RASGEF1C: variants seen among roughly 807,000 people sequenced by gnomAD.
RASGEF1C encodes ras-GEF domain-containing family member 1C.
In RASGEF1C, 27 loss-of-function variants were observed where a neutral mutation model predicts 58.1. The ratio of observed to expected loss-of-function variants is 0.46; its 90% CI spans 0.34 to 0.64. The LOEUF (loss-of-function observed/expected upper bound fraction) is 0.64. Among genes scored for constraint, RASGEF1C ranks in the 30% least tolerant of loss-of-function variants. The pLI is 0.01. For missense variants in RASGEF1C, 502 were observed against 605.1 expected, an observed-to-expected ratio of 0.83 and a Z score of 1.79; for synonymous variants, 243 against 246.3, an observed-to-expected ratio of 0.99 and a Z score of 0.13.
intron 1 of RASGEF1C, among the ~76,000 whole-genome samples, chr5:180,202,409 C>G (rs919260875): frequency 6.6e-6 from 1 of 152,032 alleles, no homozygotes; most frequent in Non-Finnish European, 1.5e-5. Context: ...GAGTCCCCCA[C>G]GTACCTAAGA....
intron 1 of RASGEF1C, among the ~76,000 whole-genome samples, chr5:180,172,563 G>A (rs1432230023): frequency 1.3e-5 from 2 of 152,160 alleles, no homozygotes; most frequent in African/African-American, 4.8e-5. Context: ...CTCCCACAAA[G>A]CCTAGCCCCG....
chr5:180,108,257 A>C (rs1765902001), intron 12 of RASGEF1C, among the ~76,000 whole-genome samples: 1 of 147,984 alleles, frequency 6.8e-6, no homozygotes, highest in Non-Finnish European at 1.5e-5. Context: ...GCTGGAGTGC[A>C]GTGGTGCGAT....
At chr5:180,182,731 G>A (rs1767368360) in intron 1 of RASGEF1C, among the ~76,000 whole-genome samples, 4 of 152,156 alleles carry the variant, frequency 2.6e-5, no homozygotes, top group African/African-American at 9.7e-5. Flanking sequence ...TTTTTACAGA[G>A]TGCTGATTGG....
At chr5:180,113,478 G>A (rs1212019970) in intron 11 of RASGEF1C, among the ~76,000 whole-genome samples, 1 of 50,190 alleles carries the variant, frequency 2.0e-5, no homozygotes, top group Non-Finnish European at 4.1e-5. Context: ...GGAGTGACCG[G>A]GGATGGACGG....
At chr5:180,174,025 G>A (rs1475656799) in intron 1 of RASGEF1C, among the ~76,000 whole-genome samples, 1 of 151,916 alleles carries the variant, frequency 6.6e-6, no homozygotes, top group African/African-American at 2.4e-5. Flanking sequence ...CAGAAAGTTG[G>A]GGAAGTGTGG....
rs1321641118 is a variant in RASGEF1C at position 180,209,143 on chromosome 5, GCCGCCGCCC to G, written c.-131_-123del. 1.1e-5 allele frequency: 1 copy of G among 94,384 alleles called. No homozygotes were observed. The highest frequency in any genetic ancestry group is 2.3e-5 in the Non-Finnish European group (1 of 44,402). 5.8% of individuals were successfully genotyped at this position (94,384 alleles called of 1,614,324 possible). On this transcript the variant is annotated 5_prime_UTR_variant, in exon 1 of 14. Coordinates refer to ENST00000361132, the MANE Select transcript of RASGEF1C (RefSeq NM_175062.4). ...CGCCGCCGCCGCCGCCGCCGCCGCC[GCCGCCGCCC>G]GACCGCCCGGCTCCCAGCGCAGCCC...
chr5:180,111,481 T>C lies in RASGEF1C; in HGVS notation c.1279A>G (p.Thr427Ala), dbSNP rs149075453. The change falls in exon 12 of 14, where the codon ACC (threonine) becomes GCC (alanine). Residue 427 changes from threonine to alanine, a missense_variant. Physicochemically the swap from Thr to Ala is moderately conservative, Grantham distance 58. Transcript: ENST00000361132. The part of the protein sequence containing the change: ...QDASITHYLY[T>A]APIFSEDGLY... ...CCATCCTCACTGAAGATGGGGGCGG[T>C]GTACAGGTAGTGGGTGATGCTGGCG... 4 of 1,613,738 alleles carry C rather than the reference T, an allele frequency of 2.5e-6. No homozygotes were observed. The African/African-American group carries it at 5.3e-5, about 22-fold the overall frequency.
At position 180,197,529 on chromosome 5, in the gene RASGEF1C, G is replaced by GCAGT. The variant is rs1268735159; in HGVS notation, c.-7+11495_-7+11498dup. ...AGGCCCACAAAGACAGAGAGTGAGA[G>GCAGT]CAGTCCACGCTCAAAAATAGCCCAG... is the stretch of plus-strand genomic sequence containing the variant. On this transcript the variant is annotated intron_variant, in intron 1 of 13. Coordinates refer to ENST00000361132, the MANE Select transcript of RASGEF1C (RefSeq NM_175062.4). The surrounding 1 kb of genome is among the most constrained non-coding windows in gnomAD (Gnocchi z 4.7). 6.6e-6 allele frequency among the ~76,000 whole-genome samples: 1 copy of GCAGT among 152,212 alleles called. No individual in the cohort carries two copies. The highest frequency in any genetic ancestry group is 2.4e-5 in the African/African-American group (1 of 41,442).
intron 7 of RASGEF1C, among the ~76,000 whole-genome samples, chr5:180,120,687 C>A (rs763706434): frequency 6.6e-6 from 1 of 152,212 alleles, no homozygotes; most frequent in Non-Finnish European, 1.5e-5. Context: ...CAAAGGTCGG[C>A]TCTCGTCCTC....
intron 1 of RASGEF1C, among the ~76,000 whole-genome samples, chr5:180,182,404 G>A (rs1233363878): frequency 6.6e-6 from 1 of 152,012 alleles, no homozygotes; most frequent in Non-Finnish European, 1.5e-5. Context: ...ACAGTGAGCA[G>A]CCGCAAGATT....
At chr5:180,106,284 G>A (rs1003433455) in intron 12 of RASGEF1C, among the ~76,000 whole-genome samples, 3 of 152,028 alleles carry the variant, frequency 2.0e-5, no homozygotes, top group East Asian at 1.9e-4. Flanking sequence ...TTCTGCTTAC[G>A]GGTTCATTGA....
chr5:180,207,417 C>T (rs962157460), intron 1 of RASGEF1C, among the ~76,000 whole-genome samples: 1 of 152,238 alleles, frequency 6.6e-6, no homozygotes, highest in African/African-American at 2.4e-5. Context: ...ACGCAAGGAA[C>T]CAAGGCCCCT....
At position 180,174,109 on chromosome 5, in the gene RASGEF1C, G is replaced by A. The variant is rs545908390; in HGVS notation, c.-7+34919C>T. On this transcript the variant is annotated intron_variant, in intron 1 of 13. Transcript: ENST00000361132. ...GCACCAGAGAAACACTCAGTGCATGGAGCCTGGGCCGTGGTGTGGGCTTGA... is the reference window on the plus strand; with the variant it reads ...GCACCAGAGAAACACTCAGTGCATGAAGCCTGGGCCGTGGTGTGGGCTTGA... Among the ~76,000 whole-genome samples, 4 of 152,056 alleles carry A rather than the reference G, an allele frequency of 2.6e-5. No individual in the cohort carries two copies. In the South Asian group the frequency reaches 6.2e-4, roughly 24 times the overall value.
At position 180,127,615 on chromosome 5, in the gene RASGEF1C, G is replaced by T; in HGVS notation, c.708C>A (p.Ser236Arg). 6.2e-7 allele frequency: 1 copy of T among 1,612,074 alleles called. No homozygotes were observed. Among genetic ancestry groups the T allele is most frequent in the Non-Finnish European group, 8.5e-7 (1 of 1,179,334 alleles). The change falls in exon 6 of 14, where the codon AGC (serine) becomes AGA (arginine). Residue 236 changes from serine to arginine, a missense_variant. Transcript: ENST00000361132. ...GCCCGTAAGAGCCTCCTACCTTTGT[G>T]CTGGCCAGAGGGTCCTTGTTCACAA... ...QAFVNKDPLA[S>R]TKPCFSDKTS...
Position 180,197,294 on chromosome 5 carries a change from C to T in RASGEF1C, c.-7+11734G>A, listed in dbSNP as rs77740302. 4.9e-3 allele frequency among the ~76,000 whole-genome samples: 740 copies of T among 152,296 alleles called. 7 individuals are homozygous for T. The highest frequency in any genetic ancestry group is 0.017 in the African/African-American group (714 of 41,574). ...ACAGAGGGGAGCCCGAACCCTGGGA[C>T]GGCAGGGGGAAGCAATGGCGGGATC... On this transcript the variant is annotated intron_variant, in intron 1 of 13. Transcript: ENST00000361132. This position sits in a 1 kb window ranked among gnomAD's most constrained non-coding sequence, Gnocchi z 4.7.
intron 1 of RASGEF1C, among the ~76,000 whole-genome samples, chr5:180,182,713 T>C (rs768227790): frequency 6.6e-6 from 1 of 152,222 alleles, no homozygotes; most frequent in Non-Finnish European, 1.5e-5. Flanking sequence ...AGAGCACTGA[T>C]TGATGCGTTT....
chr5:180,179,884 A>C (rs1359613595), intron 1 of RASGEF1C, among the ~76,000 whole-genome samples: 1 of 152,254 alleles, frequency 6.6e-6, no homozygotes, highest in Admixed American at 6.5e-5. Context: ...AAGAGGTGTC[A>C]GTTTCCTCCT....
chr5:180,107,525 A>G (rs1319503428), intron 12 of RASGEF1C, among the ~76,000 whole-genome samples: 2 of 152,298 alleles, frequency 1.3e-5, no homozygotes, highest in East Asian at 1.9e-4. Flanking sequence ...GAGAAATTTG[A>G]CATGATTCAG....
chr5:180,149,623 T>C (rs1766714532), intron 1 of RASGEF1C, among the ~76,000 whole-genome samples: 1 of 151,378 alleles, frequency 6.6e-6, no homozygotes, highest in Non-Finnish European at 1.5e-5. Context: ...GCCCAGCTAA[T>C]TTTTGTATTT....
Sources: gnomAD v4.1 joint callset for allele counts (sites outside exome capture counted in the v4.1 genomes callset) on GRCh38, gnomAD v4.1.1 for gene constraint, Gnocchi (gnomAD v3.1) non-coding constraint, MANE v1.5 for transcripts, NCBI Gene and HGNC (gene_info 2026-07-23, HGNC 2026-07-21) for gene names.